LAMA2: variants seen among roughly 807,000 people sequenced by gnomAD.
The protein encoded by LAMA2 is laminin subunit alpha-2.
Under a neutral mutation model 364.8 loss-of-function variants are expected in LAMA2, and 269 were observed. That is an observed-to-expected ratio of 0.74 (90% CI 0.67 to 0.82). The LOEUF (loss-of-function observed/expected upper bound fraction) is 0.82, where lower values mean the gene tolerates loss of function less well. Ranked by LOEUF, LAMA2 falls within the 40% of genes least tolerant of loss-of-function variation. The pLI is 0.00. For synonymous variants in LAMA2, 1,379 were observed against 1,370.6 expected (o/e 1.01, Z -0.14); for missense variants, 3,807 against 3,873.2 (o/e 0.98, Z 0.45).
At chr6:129,401,365 G>A in intron 38 of LAMA2, 25 bp downstream of exon 38, 1 of 1,365,522 alleles carries the variant, frequency 7.3e-7, no homozygotes, top group Non-Finnish European at 1.0e-6. Flanking sequence ...AAACTCAAAA[G>A]AGAGATGATA....
At chr6:129,173,782 T>A (rs1005152200) in intron 9 of LAMA2, among the ~76,000 whole-genome samples, 2 of 152,040 alleles carry the variant, frequency 1.3e-5, no homozygotes, top group Non-Finnish European at 2.9e-5. Flanking sequence ...TCAGATTACA[T>A]AACCAGATAG....
chr6:129,196,178 A>G (rs761473312), intron 12 of LAMA2, among the ~76,000 whole-genome samples: 15 of 152,188 alleles, frequency 9.9e-5, no homozygotes, highest in Non-Finnish European at 1.9e-4. Context: ...AAGAATACCT[A>G]TAGTCTAGTT....
intron 1 of LAMA2, among the ~76,000 whole-genome samples, chr6:128,996,442 A>G (rs1263299452): frequency 6.6e-6 from 1 of 152,200 alleles, no homozygotes; most frequent in Non-Finnish European, 1.5e-5. Flanking sequence ...AAGAAAAAGC[A>G]ACCCCATCGA....
intron 1 of LAMA2, among the ~76,000 whole-genome samples, chr6:129,048,434 T>C: frequency 6.6e-6 from 1 of 151,470 alleles, no homozygotes; most frequent in East Asian, 1.9e-4. Context: ...GAAGGTTTCT[T>C]TTTTCTTTTC....
At chr6:129,201,057 A>G (rs1220235732) in intron 12 of LAMA2, among the ~76,000 whole-genome samples, 3 of 152,172 alleles carry the variant, frequency 2.0e-5, no homozygotes, top group South Asian at 2.1e-4. Flanking sequence ...ACCTTAAACA[A>G]CAACAAAGCC....
At chr6:129,297,894 A>G in intron 21 of LAMA2, 29 bp downstream of exon 21, 13 of 1,585,286 alleles carry the variant, frequency 8.2e-6, no homozygotes, top group Non-Finnish European at 1.1e-5. Flanking sequence ...AGTCCTACAT[A>G]TTCACTCTGA....
intron 12 of LAMA2, among the ~76,000 whole-genome samples, chr6:129,247,147 C>G (rs969646689): frequency 6.6e-6 from 1 of 152,100 alleles, no homozygotes; most frequent in Non-Finnish European, 1.5e-5. Context: ...CTTAAGCAAT[C>G]CTTTTAAGAA....
chr6:128,928,170 T>C, intron 1 of LAMA2, among the ~76,000 whole-genome samples: 1 of 152,240 alleles, frequency 6.6e-6, no homozygotes, highest in East Asian at 1.9e-4. Flanking sequence ...TCTCAGACTG[T>C]TATTTGCTGT....
intron 1 of LAMA2, among the ~76,000 whole-genome samples, chr6:128,902,421 C>T (rs1244521023): frequency 1.3e-5 from 2 of 152,096 alleles, no homozygotes; most frequent in African/African-American, 4.8e-5. Context: ...AATTTTGAGA[C>T]AAATTCCACC....
At chr6:129,225,967 C>G (rs1157530266) in intron 12 of LAMA2, among the ~76,000 whole-genome samples, 1 of 152,118 alleles carries the variant, frequency 6.6e-6, no homozygotes, top group Non-Finnish European at 1.5e-5. Context: ...GTGTGGGAGT[C>G]TAAGTCTCTT....
chr6:129,497,381 G>T (rs539084446), intron 58 of LAMA2, among the ~76,000 whole-genome samples: 1 of 152,140 alleles, frequency 6.6e-6, no homozygotes, highest in South Asian at 2.1e-4. Context: ...GGGACTGCAG[G>T]TGCATTCCAC....
chr6:129,443,917 C>T (rs1782240032), intron 44 of LAMA2, among the ~76,000 whole-genome samples: 1 of 152,080 alleles, frequency 6.6e-6, no homozygotes, highest in South Asian at 2.1e-4. Flanking sequence ...ATCAACTTTG[C>T]TGACTTTAGA....
intron 12 of LAMA2, among the ~76,000 whole-genome samples, chr6:129,225,481 A>G (rs1379977720): frequency 5.3e-5 from 8 of 152,086 alleles, no homozygotes; most frequent in Admixed American, 3.9e-4. Flanking sequence ...AGTGCTATAA[A>G]TTTCCCTCTA....
At chr6:128,946,452 CAG>C (rs1189409775) in intron 1 of LAMA2, among the ~76,000 whole-genome samples, 1 of 152,166 alleles carries the variant, frequency 6.6e-6, no homozygotes, top group Non-Finnish European at 1.5e-5. Context: ...CCCAGCATCA[CAG>C]AGAGAAATGT....
chr6:128,984,901 T>G (rs922251002), intron 1 of LAMA2, among the ~76,000 whole-genome samples: 2 of 152,166 alleles, frequency 1.3e-5, no homozygotes, highest in African/African-American at 2.4e-5. Context: ...GAAATAAAGA[T>G]TCATGAATAT....
chr6:129,029,290 C>T lies in LAMA2; in HGVS notation c.113-20628C>T, dbSNP rs1261683468. ...ATACATCAGCAATGAAGAGCTTTAACTACCATGCAATTAAAATACTAGAGA... is the reference window on the plus strand; with the variant it reads ...ATACATCAGCAATGAAGAGCTTTAATTACCATGCAATTAAAATACTAGAGA... On this transcript the variant is annotated intron_variant, in intron 1 of 64. Coordinates refer to ENST00000421865, the MANE Select transcript of LAMA2 (RefSeq NM_000426.4). 2.6e-5 allele frequency among the ~76,000 whole-genome samples: 4 copies of T among 151,862 alleles called. No individual in the cohort carries two copies. In the East Asian group the frequency reaches 5.8e-4, roughly 22 times the overall value.
chr6:129,182,534 TAAAG>T (rs762233702), intron 10 of LAMA2, among the ~76,000 whole-genome samples: 16 of 151,888 alleles, frequency 1.1e-4, no homozygotes, highest in Middle Eastern at 3.2e-3. Flanking sequence ...AAGAAACAGT[TAAAG>T]TGGTTGAAAT....
intron 30 of LAMA2, among the ~76,000 whole-genome samples, chr6:129,348,009 A>G (rs1049877587): frequency 3.5e-4 from 54 of 152,260 alleles, no homozygotes; most frequent in African/African-American, 1.2e-3. Flanking sequence ...TGTTTCTTAG[A>G]GCCCATATAT....
chr6:129,137,501 A>T (rs2114947772), intron 4 of LAMA2, among the ~76,000 whole-genome samples: 1 of 152,228 alleles, frequency 6.6e-6, no homozygotes, highest in East Asian at 1.9e-4. Context: ...TAAACGTATG[A>T]AGATACCCAT....
Sources: allele counts gnomAD v4.1 joint callset (sites outside exome capture counted in the v4.1 genomes callset), GRCh38; gene constraint gnomAD v4.1.1; transcripts MANE v1.5; gene names NCBI Gene and HGNC (gene_info 2026-07-23, HGNC 2026-07-21).